PRKN: variants seen among roughly 807,000 people sequenced by gnomAD.
PRKN encodes E3 ubiquitin-protein ligase parkin.
PRKN carries 56 observed loss-of-function variants against 59.5 expected under a neutral mutation model. That is an observed-to-expected ratio of 0.94 (90% CI 0.76 to 1.18). PRKN has a LOEUF of 1.18. Ranked by LOEUF, PRKN falls within the 50% of genes most tolerant of loss-of-function variation. The probability of loss-of-function intolerance (pLI) is 0.00; values close to 1 mark genes in which losing one functional copy is unlikely to be tolerated. For missense variants in PRKN, 657 were observed against 596.4 expected (o/e 1.10, Z -1.06); for synonymous variants, 250 against 222.1 (o/e 1.13, Z -1.12).
chr6:162,339,091 A>AGAAGTGAGGAGCCCCTCCGC (rs1784003777), intron 2 of PRKN, among the ~76,000 whole-genome samples: 4 of 60,918 alleles, frequency 6.6e-5, no homozygotes, highest in African/African-American at 2.6e-4. Context: ...AGCCCCTCCG[A>AGAAGTGAGGAGCCCCTCCGC]CCGGCAGCCG....
chr6:162,621,298 C>T (rs572336933), intron 1 of PRKN, among the ~76,000 whole-genome samples: 2 of 152,248 alleles, frequency 1.3e-5, no homozygotes, highest in South Asian at 2.1e-4. Context: ...CTTGAAAATG[C>T]CCCTGCCTTG....
chr6:161,767,692 G>C (rs753528506), intron 7 of PRKN, among the ~76,000 whole-genome samples: 139 of 142,964 alleles, frequency 9.7e-4, no homozygotes, highest in Non-Finnish European at 1.2e-3. Context: ...AACTGAGGCT[G>C]TTTAGGTATT....
At chr6:161,696,132 C>A (rs1786013264) in intron 7 of PRKN, among the ~76,000 whole-genome samples, 1 of 152,116 alleles carries the variant, frequency 6.6e-6, no homozygotes, top group Admixed American at 6.5e-5. Flanking sequence ...TATTAAATAG[C>A]TAGCAGAGAG....
intron 5 of PRKN, among the ~76,000 whole-genome samples, chr6:162,005,338 G>A (rs755522455): frequency 1.1e-4 from 16 of 152,124 alleles, no homozygotes; most frequent in Non-Finnish European, 1.8e-4. Context: ...TAAGAAATAT[G>A]TCCAAAAATA....
At chr6:162,163,816 T>G (rs1464123230) in intron 4 of PRKN, among the ~76,000 whole-genome samples, 1 of 113,384 alleles carries the variant, frequency 8.8e-6, no homozygotes, top group Non-Finnish European at 1.8e-5. Context: ...TCTCTCATGG[T>G]GCCCAGCGCA....
intron 6 of PRKN, among the ~76,000 whole-genome samples, chr6:161,879,010 A>T (rs117087904): frequency 6.6e-6 from 1 of 152,240 alleles, no homozygotes; most frequent in East Asian, 1.9e-4. Context: ...TTCATGTCTT[A>T]TCTTTTTCAG....
intron 7 of PRKN, among the ~76,000 whole-genome samples, chr6:161,656,301 G>T (rs193070866): frequency 6.6e-6 from 1 of 152,260 alleles, no homozygotes; most frequent in East Asian, 1.9e-4. Flanking sequence ...CCATCCATCC[G>T]CGCCTCTCAC....
rs2115402191 is a variant in PRKN, at chr6:161,538,215, G to C, written c.1083+10639C>G. On this transcript the variant is annotated intron_variant, in intron 9 of 11. Transcript: ENST00000366898. This position sits in a 1 kb window ranked among gnomAD's most constrained non-coding sequence, Gnocchi z 4.2. ...GTGAGGCTTATCTGCTTCTGACTGG[G>C]TTCCTTCTCACTTGTACACTTCTTC... Among the ~76,000 whole-genome samples the C allele has an allele frequency of 6.6e-6, 1 of 152,250 alleles. No individual in the cohort carries two copies. The highest frequency in any genetic ancestry group is 1.9e-4 in the East Asian group (1 of 5,184).
intron 6 of PRKN, among the ~76,000 whole-genome samples, chr6:161,812,413 A>G (rs2128213804): frequency 6.6e-6 from 1 of 152,276 alleles, no homozygotes; most frequent in Non-Finnish European, 1.5e-5. Flanking sequence ...AAAACTTTGA[A>G]AGTCACCATA....
At chr6:162,069,142 C>A (rs935919517) in intron 4 of PRKN, among the ~76,000 whole-genome samples, 1 of 152,110 alleles carries the variant, frequency 6.6e-6, no homozygotes, top group Admixed American at 6.6e-5. Context: ...AGAATTCCCA[C>A]GTGTTGTGGG....
chr6:161,775,874 T>C (rs1789902159), intron 7 of PRKN, among the ~76,000 whole-genome samples: 1 of 152,000 alleles, frequency 6.6e-6, no homozygotes, highest in Admixed American at 6.5e-5. Context: ...CCAAGAAGCA[T>C]AACGGACTAT....
At chr6:161,812,908 G>A (rs1387368919) in intron 6 of PRKN, among the ~76,000 whole-genome samples, 7 of 152,336 alleles carry the variant, frequency 4.6e-5, no homozygotes, top group African/African-American at 1.7e-4. Flanking sequence ...CCCAAGAGGA[G>A]TGAAAACATG....
chr6:162,455,918 A>C lies in PRKN; in HGVS notation c.8-12445T>G, dbSNP rs1196890284. On this transcript the variant is annotated intron_variant, in intron 1 of 11. Coordinates refer to ENST00000366898, the MANE Select transcript of PRKN (RefSeq NM_004562.3). ...GGCAAGAAAAATTAAGTGAGTTAAA[A>C]AAAACTTTATAAAATATATTTGATA... is the stretch of plus-strand genomic sequence containing the variant. 4.6e-5 allele frequency among the ~76,000 whole-genome samples: 7 copies of C among 152,266 alleles called. No individual in the cohort carries two copies. In the East Asian group the frequency reaches 1.3e-3, roughly 29 times the overall value.
chr6:162,518,371 T>C (rs1298883775), intron 1 of PRKN, among the ~76,000 whole-genome samples: 1 of 152,176 alleles, frequency 6.6e-6, no homozygotes, highest in African/African-American at 2.4e-5. Flanking sequence ...AGCATATTTA[T>C]TGATATATTT....
Position 161,363,032 on chromosome 6 carries a change from G to A in PRKN, c.1168-2827C>T, listed in dbSNP as rs1160635811. ...TGAGGCAGGTGGATCACTTGAGGCC[G>A]GGTGTTCAAGACCAGCCTGGCCAAC... On this transcript the variant is annotated intron_variant, in intron 10 of 11. Transcript: ENST00000366898. The surrounding 1 kb of genome is among the most constrained non-coding windows in gnomAD (Gnocchi z 4.1). Among the ~76,000 whole-genome samples, 1 of 152,090 alleles carries A rather than the reference G, an allele frequency of 6.6e-6. No homozygotes were observed. The highest frequency in any genetic ancestry group is 1.5e-5 in the Non-Finnish European group (1 of 68,014).
intron 5 of PRKN, among the ~76,000 whole-genome samples, chr6:161,977,533 GTTTTTTTGGTTTTT>G (rs1226658959): frequency 2.4e-4 from 19 of 80,676 alleles, no homozygotes; most frequent in Admixed American, 1.2e-3. Flanking sequence ...TCTACTTTCT[GTTTTTTTGGTTTTT>G]TTTTTTTTTT....
chr6:162,247,636 A>T (rs1018457637), intron 3 of PRKN, among the ~76,000 whole-genome samples: 1 of 152,184 alleles, frequency 6.6e-6, no homozygotes, highest in Non-Finnish European at 1.5e-5. Flanking sequence ...TCATCTTAGA[A>T]TTCTTACCAA....
intron 6 of PRKN, among the ~76,000 whole-genome samples, chr6:161,903,209 G>A (rs1488903742): frequency 6.6e-6 from 1 of 152,198 alleles, no homozygotes; most frequent in African/African-American, 2.4e-5. Context: ...ACTGGCTCTA[G>A]AGCCAACTGT....
chr6:162,358,598 C>T (rs1175073586), intron 2 of PRKN, among the ~76,000 whole-genome samples: 1 of 152,144 alleles, frequency 6.6e-6, no homozygotes, highest in Non-Finnish European at 1.5e-5. Flanking sequence ...AAATATACTT[C>T]ACCAATTTTG....
Sources: allele counts gnomAD v4.1 joint callset (sites outside exome capture counted in the v4.1 genomes callset), GRCh38; gene constraint gnomAD v4.1.1; non-coding constraint Gnocchi (gnomAD v3.1); transcripts MANE v1.5; gene names NCBI Gene and HGNC (gene_info 2026-07-23, HGNC 2026-07-21).